NBPF3: variants seen among roughly 807,000 people sequenced by gnomAD.
NBPF3 encodes NBPF family member NBPF3.
Under a neutral mutation model 78.1 loss-of-function variants are expected in NBPF3, and 57 were observed. The observed-to-expected ratio is 0.73, with a 90% confidence interval of 0.59 to 0.91. The LOEUF (loss-of-function observed/expected upper bound fraction) is 0.91, where lower values mean the gene tolerates loss of function less well. Ranked by LOEUF, NBPF3 falls within the 40% of genes least tolerant of loss-of-function variation. The pLI is 0.00. For missense variants in NBPF3, 510 were observed against 715.3 expected, an observed-to-expected ratio of 0.71 and a Z score of 3.27; for synonymous variants, 182 against 271.7, an observed-to-expected ratio of 0.67 and a Z score of 3.25.
chr1:21,478,803 G>C (rs1428086394), intron 9 of NBPF3, among the ~76,000 whole-genome samples: 1 of 152,148 alleles, frequency 6.6e-6, no homozygotes, highest in Non-Finnish European at 1.5e-5. Flanking sequence ...TGTCTTCTAA[G>C]TTGGCTTGTC....
chr1:21,467,910 G>A (rs1642367363), intron 2 of NBPF3, among the ~76,000 whole-genome samples: 1 of 152,156 alleles, frequency 6.6e-6, no homozygotes, highest in Admixed American at 6.5e-5. Context: ...AGCAAAGATG[G>A]TGCCCCAGTG....
chr1:21,437,173 C>T (rs1288230770), upstream of NBPF3, among the ~76,000 whole-genome samples: 3 of 151,928 alleles, frequency 2.0e-5, no homozygotes, highest in African/African-American at 7.3e-5. Context: ...GAAATCAGAG[C>T]TTGGGAACTA....
intron 2 of NBPF3, among the ~76,000 whole-genome samples, chr1:21,454,654 C>A (rs1290392538): frequency 6.6e-6 from 1 of 152,098 alleles, no homozygotes; most frequent in East Asian, 1.9e-4. Context: ...TAGACCATAG[C>A]TAATTAGATG....
rs1222559557 is a variant in NBPF3, at chr1:21,445,155, A to G, written c.69A>G (p.Pro23=). The G allele has an allele frequency of 1.9e-6, 3 of 1,611,752 alleles. No homozygotes were observed. The highest frequency in any genetic ancestry group is 1.3e-5 in the African/African-American group (1 of 74,802). Residue 23 remains proline (P), a synonymous_variant, in exon 2 of 15, where the codon CCA becomes CCG. Transcript: ENST00000318249. Reference sequence around the variant, plus strand: ...GAGGCCCTGATGTAGAAACTTCCCCATTCGGTGCACCAAGAGCAGCCTCAC... The same window carrying G: ...GAGGCCCTGATGTAGAAACTTCCCCGTTCGGTGCACCAAGAGCAGCCTCAC... ...TLRGPDVETS[P]FGAPRAASHG...
chr1:21,468,373 A>G (rs1041424210), intron 2 of NBPF3: 1 of 1,269,002 alleles, frequency 7.9e-7, no homozygotes, highest in Admixed American at 3.7e-5. Flanking sequence ...AAGCCTGGGC[A>G]ATTGGAATGC....
At chr1:21,466,889 C>T (rs896094818) in intron 2 of NBPF3, 84 of 688,502 alleles carry the variant, frequency 1.2e-4, no homozygotes, top group South Asian at 7.8e-4. Flanking sequence ...ATGCCTTGTA[C>T]GAATTGGTCA....
At chr1:21,450,272 A>G (rs1641233377) in intron 2 of NBPF3, among the ~76,000 whole-genome samples, 1 of 152,158 alleles carries the variant, frequency 6.6e-6, no homozygotes, top group Non-Finnish European at 1.5e-5. Flanking sequence ...GTCAGCCAGG[A>G]GACACTCTGA....
chr1:21,470,162 T>A (rs1485955871), intron 3 of NBPF3, among the ~76,000 whole-genome samples: 1 of 152,234 alleles, frequency 6.6e-6, no homozygotes, highest in East Asian at 1.9e-4. Flanking sequence ...TCTAAAGCTA[T>A]GATGTAAAAA....
rs1427409968 is a variant in NBPF3 at position 21,460,531 on chromosome 1, T to C, written c.134-8157T>C. Among the ~76,000 whole-genome samples the C allele has an allele frequency of 2.0e-5, 3 of 152,194 alleles. No homozygotes were observed. Among genetic ancestry groups the C allele is most frequent in the Non-Finnish European group, 4.4e-5 (3 of 68,038 alleles). Reference sequence around the variant, plus strand: ...ACACCAATGCTCTTCATTGAGGAAATGGAAGACTTTTAAGTAAAAGGATTT... The same window carrying C: ...ACACCAATGCTCTTCATTGAGGAAACGGAAGACTTTTAAGTAAAAGGATTT... On this transcript the variant is annotated intron_variant, in intron 2 of 14. Coordinates refer to ENST00000318249, the MANE Select transcript of NBPF3 (RefSeq NM_032264.6). This position sits in a 1 kb window ranked among gnomAD's most constrained non-coding sequence, Gnocchi z 4.2.
intron 2 of NBPF3, among the ~76,000 whole-genome samples, chr1:21,461,955 A>G (rs1641973866): frequency 6.6e-6 from 1 of 152,052 alleles, no homozygotes; most frequent in South Asian, 2.1e-4. Flanking sequence ...CCCTGGGAGA[A>G]GGTAGTGAGT....
chr1:21,459,926 G>A lies in NBPF3; in HGVS notation c.134-8762G>A, dbSNP rs570926935. 192 of 109,254 alleles carry A rather than the reference G, an allele frequency of 1.8e-3. 51 individuals are homozygous for A. The highest frequency in any genetic ancestry group is 5.4e-3 in the African/African-American group (186 of 34,272). 6.8% of individuals were successfully genotyped at this position (109,254 alleles called of 1,614,324 possible). On this transcript the variant is annotated intron_variant, in intron 2 of 14. Transcript: ENST00000318249. ...TCACGAAAAAGCTTGACCAGTCTTT[G>A]CCAACCAGGACACCAACCTTAGCTG...
chr1:21,467,632 G>C (rs1212100157), intron 2 of NBPF3, among the ~76,000 whole-genome samples: 1 of 152,162 alleles, frequency 6.6e-6, no homozygotes, highest in East Asian at 1.9e-4. Context: ...GTTCTTTTCA[G>C]TATATGGGAA....
chr1:21,438,635 A>G (rs1303190347), upstream of NBPF3, among the ~76,000 whole-genome samples: 1 of 152,174 alleles, frequency 6.6e-6, no homozygotes, highest in Non-Finnish European at 1.5e-5. Context: ...GACCTGTTCT[A>G]AGCAGTCCAT....
chr1:21,468,657 C>A (rs1642408010), intron 2 of NBPF3, 31 bp from the exon 3 acceptor site: 1 of 1,612,198 alleles, frequency 6.2e-7, no homozygotes, highest in African/African-American at 1.3e-5. Context: ...CAGTTTTTAA[C>A]CCATCGTGTG....
chr1:21,478,394 G>C (rs1226633582), intron 9 of NBPF3, 87 bp downstream of exon 9: 1 of 1,411,458 alleles, frequency 7.1e-7, no homozygotes, highest in Non-Finnish European at 1.0e-6. Flanking sequence ...CCCTGGTTGG[G>C]CTGAGAGTTG....
chr1:21,477,304 C>T (rs1333139259), intron 8 of NBPF3, among the ~76,000 whole-genome samples: 1 of 152,198 alleles, frequency 6.6e-6, no homozygotes, highest in African/African-American at 2.4e-5. Flanking sequence ...CTCCGTCCTG[C>T]TTTGTTCCAT....
chr1:21,476,325 C>T lies in NBPF3; in HGVS notation c.992+1374C>T, dbSNP rs564643961. ...TTTGATCCTGTCATGATGATGTGAGCTGGTTATTTTGCCTGTTAGTTGATG... is the reference window on the plus strand; with the variant it reads ...TTTGATCCTGTCATGATGATGTGAGTTGGTTATTTTGCCTGTTAGTTGATG... On this transcript the variant is annotated intron_variant, in intron 8 of 14. Transcript: ENST00000318249. This position sits in a 1 kb window ranked among gnomAD's most constrained non-coding sequence, Gnocchi z 4.1. Among the ~76,000 whole-genome samples the T allele has an allele frequency of 6.6e-6, 1 of 152,286 alleles. No homozygotes were observed. The highest frequency in any genetic ancestry group is 2.4e-5 in the African/African-American group (1 of 41,566).
intron 1 of NBPF3, among the ~76,000 whole-genome samples, chr1:21,441,834 A>G (rs1640672610): frequency 6.6e-6 from 1 of 152,184 alleles, no homozygotes; most frequent in Non-Finnish European, 1.5e-5. Flanking sequence ...TATGAATGAT[A>G]AAACTTTAGT....
intron 5 of NBPF3, among the ~76,000 whole-genome samples, chr1:21,471,997 C>T (rs1642626160): frequency 6.6e-6 from 1 of 152,142 alleles, no homozygotes; most frequent in African/African-American, 2.4e-5. Flanking sequence ...TGTCCCTCCT[C>T]CCTTGATGGA....
Sources: gnomAD v4.1 joint callset for allele counts (sites outside exome capture counted in the v4.1 genomes callset) on GRCh38, gnomAD v4.1.1 for gene constraint, Gnocchi (gnomAD v3.1) non-coding constraint, MANE v1.5 for transcripts, NCBI Gene and HGNC (gene_info 2026-07-23, HGNC 2026-07-21) for gene names.